Variants in SLC30A9 observed in about 807,000 individuals in gnomAD.
The protein encoded by SLC30A9 is solute carrier family 30 member 9.
A neutral mutation model predicts 87.5 loss-of-function variants in SLC30A9; 58 were observed. The ratio of observed to expected loss-of-function variants is 0.66; its 90% CI spans 0.54 to 0.82. The LOEUF (loss-of-function observed/expected upper bound fraction) is 0.82, where lower values mean the gene tolerates loss of function less well. SLC30A9 is among the 40% of genes least tolerant of loss of function. SLC30A9 has a pLI of 0.00. For missense variants in SLC30A9, 557 were observed against 679.1 expected (o/e 0.82, Z 2.00); for synonymous variants, 234 against 233.0 (o/e 1.00, Z -0.04).
At position 42,049,480 on chromosome 4, in the gene SLC30A9, G is replaced by T; in HGVS notation, c.840+1G>T. ...CTCATTATCTGATACTTGTAATCAG[G>T]TGAGGACTAAAGCTTTTTTTATAAG... On this transcript the variant is annotated splice_donor_variant, in intron 9 of 17. Transcript: ENST00000264451. LOFTEE classifies it high-confidence loss of function. 6.7e-7 allele frequency: 1 copy of T among 1,502,278 alleles called. No individual in the cohort carries two copies. Among genetic ancestry groups the T allele is most frequent in the Non-Finnish European group, 9.1e-7 (1 of 1,098,316 alleles). 93.1% of individuals were successfully genotyped at this position (1,502,278 alleles called of 1,614,324 possible). A position where few individuals can be genotyped will look rare whatever the true frequency, so the allele number is the denominator to read the frequency against.
At chr4:42,014,740 C>T (rs757335077) in intron 2 of SLC30A9, among the ~76,000 whole-genome samples, 11 of 152,054 alleles carry the variant, frequency 7.2e-5, no homozygotes, top group Non-Finnish European at 1.2e-4. Context: ...AGAATGAGAT[C>T]CTGTCATTTG....
intron 6 of SLC30A9, chr4:42,029,835 G>A (rs1168579693): frequency 1.4e-6 from 1 of 722,818 alleles, no homozygotes; most frequent in Non-Finnish European, 2.6e-6. Context: ...TAACGCATCT[G>A]TGTTTCCTGT....
At chr4:42,018,922 G>A (rs973142749) in intron 3 of SLC30A9, among the ~76,000 whole-genome samples, 1 of 151,404 alleles carries the variant, frequency 6.6e-6, no homozygotes, top group African/African-American at 2.4e-5. Context: ...TAGCTATTTG[G>A]AAGAAATTTT....
chr4:42,064,031 T>C (rs1394934055), intron 11 of SLC30A9, among the ~76,000 whole-genome samples: 1 of 152,170 alleles, frequency 6.6e-6, no homozygotes, highest in African/African-American at 2.4e-5. Flanking sequence ...ACTCTGCTGA[T>C]ACAGCCAATA....
At chr4:42,023,178 T>C in intron 5 of SLC30A9, 124 bp from the exon 6 acceptor site, 2 of 749,558 alleles carry the variant, frequency 2.7e-6, no homozygotes, top group Non-Finnish European at 4.6e-6. Flanking sequence ...CCTAAGTCCT[T>C]TATGTTTCTC....
intron 7 of SLC30A9, 106 bp downstream of exon 7, chr4:42,035,439 T>C: frequency 7.7e-7 from 1 of 1,294,866 alleles, no homozygotes. Context: ...TCTAAGATTT[T>C]CTTGAGTACA....
intron 16 of SLC30A9, among the ~76,000 whole-genome samples, chr4:42,077,566 GTTAAT>G (rs1316116600): frequency 6.6e-6 from 1 of 151,974 alleles, no homozygotes; most frequent in Non-Finnish European, 1.5e-5. Context: ...ACCACACCCG[GTTAAT>G]TTTTCTATTT....
At chr4:42,077,971 A>T (rs530640208) in intron 16 of SLC30A9, among the ~76,000 whole-genome samples, 1 of 152,098 alleles carries the variant, frequency 6.6e-6, no homozygotes, top group South Asian at 2.1e-4. Context: ...TTCTAACACT[A>T]TTTATTGACT....
At chr4:42,033,381 A>G (rs1056539918) in intron 6 of SLC30A9, among the ~76,000 whole-genome samples, 11 of 151,822 alleles carry the variant, frequency 7.2e-5, no homozygotes, top group African/African-American at 1.7e-4. Flanking sequence ...GCTCATGCCT[A>G]TAATCCCGGG....
At chr4:42,023,670 TG>T (rs1371104508) in intron 6 of SLC30A9, among the ~76,000 whole-genome samples, 53 of 152,316 alleles carry the variant, frequency 3.5e-4, no homozygotes, top group African/African-American at 1.3e-3. Flanking sequence ...AGATTATACT[TG>T]TTATAAAAGT....
chr4:42,032,093 G>T (rs1330807980), intron 6 of SLC30A9, among the ~76,000 whole-genome samples: 1 of 152,090 alleles, frequency 6.6e-6, no homozygotes, highest in Non-Finnish European at 1.5e-5. Context: ...AGATGGGGGA[G>T]GTGCCTCACA....
intron 6 of SLC30A9, among the ~76,000 whole-genome samples, chr4:42,030,854 G>T (rs577719349): frequency 6.2e-4 from 95 of 152,250 alleles, no homozygotes; most frequent in African/African-American, 2.3e-3. Context: ...CTAAAGCTGT[G>T]TCTGAGATCT....
intron 1 of SLC30A9, among the ~76,000 whole-genome samples, chr4:41,996,408 TA>T (rs1297878580): frequency 1.3e-5 from 2 of 152,088 alleles, no homozygotes; most frequent in Admixed American, 1.3e-4. Flanking sequence ...TTGAGTATTT[TA>T]AGCCATAGGC....
Position 42,062,299 on chromosome 4 carries a change from G to C in SLC30A9, c.897-687G>C, listed in dbSNP as rs117837744. ...CCAGGAAATATTTTTATTAATGAGTGATTCTTTTCCTCCTCTAGTATGTTA... is the reference window on the plus strand; with the variant it reads ...CCAGGAAATATTTTTATTAATGAGTCATTCTTTTCCTCCTCTAGTATGTTA... On this transcript the variant is annotated intron_variant, in intron 10 of 17. Coordinates refer to ENST00000264451, the MANE Select transcript of SLC30A9 (RefSeq NM_006345.4). Among the ~76,000 whole-genome samples the C allele has an allele frequency of 3.9e-4, 59 of 152,128 alleles. No individual in the cohort carries two copies. In the East Asian group the frequency reaches 9.5e-3, roughly 24 times the overall value.
chr4:42,010,091 A>C (rs946437389), intron 2 of SLC30A9, among the ~76,000 whole-genome samples: 21 of 152,214 alleles, frequency 1.4e-4, no homozygotes, highest in Non-Finnish European at 7.3e-5. Flanking sequence ...CTTATCTTCA[A>C]TTTACTAGTA....
intron 7 of SLC30A9, among the ~76,000 whole-genome samples, chr4:42,035,694 C>T (rs1716650782): frequency 6.6e-6 from 1 of 152,032 alleles, no homozygotes; most frequent in African/African-American, 2.4e-5. Context: ...CAGAGTTTCA[C>T]CATGTTGGCT....
intron 2 of SLC30A9, among the ~76,000 whole-genome samples, chr4:42,003,977 C>T (rs571796889): frequency 3.9e-5 from 6 of 152,320 alleles, no homozygotes; most frequent in African/African-American, 1.4e-4. Flanking sequence ...CTATTCTGCT[C>T]TTTCTCTGCT....
intron 8 of SLC30A9, among the ~76,000 whole-genome samples, chr4:42,048,939 T>C (rs1361540664): frequency 6.6e-6 from 1 of 152,192 alleles, no homozygotes; most frequent in African/African-American, 2.4e-5. Context: ...AGGGATTCTT[T>C]TAATTGTACT....
At chr4:42,010,489 A>C (rs1715392436) in intron 2 of SLC30A9, among the ~76,000 whole-genome samples, 1 of 152,168 alleles carries the variant, frequency 6.6e-6, no homozygotes, top group South Asian at 2.1e-4. Flanking sequence ...AATAAAATAA[A>C]ATAAAATAAA....
Sources: gnomAD v4.1 joint callset for allele counts (sites outside exome capture counted in the v4.1 genomes callset) on GRCh38, gnomAD v4.1.1 for gene constraint, MANE v1.5 for transcripts, NCBI Gene and HGNC (gene_info 2026-07-23, HGNC 2026-07-21) for gene names.